Variants in TMEM131 observed in about 807,000 individuals in gnomAD.
TMEM131 encodes the protein transmembrane protein 131.
A neutral mutation model predicts 211.6 loss-of-function variants in TMEM131; 66 were observed. The ratio of observed to expected loss-of-function variants is 0.31; its 90% CI spans 0.26 to 0.38. The LOEUF is 0.38. Among genes scored for constraint, TMEM131 ranks in the 10% least tolerant of loss-of-function variants. The pLI, the probability that TMEM131 is intolerant of heterozygous loss-of-function variation, is 1.00. For synonymous variants in TMEM131, 844 were observed against 841.3 expected (o/e 1.00, Z -0.06); for missense variants, 2,036 against 2,299.3 (o/e 0.89, Z 2.34).
chr2:97,838,788 G>A (rs1188261614), intron 7 of TMEM131, among the ~76,000 whole-genome samples: 2 of 152,044 alleles, frequency 1.3e-5, no homozygotes, highest in African/African-American at 2.4e-5. Flanking sequence ...CAGGGGCCGG[G>A]GAGTTGCTGC....
intron 33 of TMEM131, among the ~76,000 whole-genome samples, chr2:97,771,576 C>T (rs1465140005): frequency 6.6e-6 from 1 of 152,232 alleles, no homozygotes; most frequent in African/African-American, 2.4e-5. Flanking sequence ...TAGACAGCAG[C>T]TCCCGTGCTG....
intron 31 of TMEM131, among the ~76,000 whole-genome samples, 192 bp from the exon 32 acceptor site, chr2:97,776,210 T>G (rs1236850157): frequency 6.6e-6 from 1 of 152,032 alleles, no homozygotes; most frequent in Non-Finnish European, 1.5e-5. Context: ...CCCGCCACCA[T>G]GCCCAGCTAA....
intron 31 of TMEM131, 30 bp from the exon 32 acceptor site, chr2:97,776,048 CTTGT>C (rs1238749741): frequency 6.3e-7 from 1 of 1,585,270 alleles, no homozygotes; most frequent in African/African-American, 1.4e-5. Flanking sequence ...TAAAAGAACT[CTTGT>C]TTTTGTTTCT....
intron 4 of TMEM131, among the ~76,000 whole-genome samples, chr2:97,871,862 G>A (rs1453192495): frequency 6.6e-6 from 1 of 151,944 alleles, no homozygotes; most frequent in Non-Finnish European, 1.5e-5. Context: ...ATAGCAGGCA[G>A]GAAGAATCCA....
At position 97,792,970 on chromosome 2, in the gene TMEM131, C is replaced by A; in HGVS notation, c.3560G>T (p.Ser1187Ile). 1 of 1,573,794 alleles carries A rather than the reference C, an allele frequency of 6.4e-7. No homozygotes were observed. The highest frequency in any genetic ancestry group is 1.1e-5 in the South Asian group (1 of 87,034). Reference protein sequence around the residue: ...ISSEGNLNTLSCDPGHSRGFC... With the variant: ...ISSEGNLNTLICDPGHSRGFC... ...CCCCCTACTGTGACCGGGGTCACAGCTGAGTGTGTTCAAGCTGAAAAAGGG... is the reference window on the plus strand; with the variant it reads ...CCCCCTACTGTGACCGGGGTCACAGATGAGTGTGTTCAAGCTGAAAAAGGG... The change falls in exon 31 of 41, where the codon AGC becomes ATC. Residue 1187 changes from serine (S) to isoleucine (I), a missense_variant. This residue lies in a region of TMEM131 where 1,623 missense variants were observed against 1,805.9 expected (regional missense o/e 0.90). Coordinates refer to ENST00000186436, the MANE Select transcript of TMEM131 (RefSeq NM_015348.2).
chr2:97,758,767 T>A, intron 40 of TMEM131, 126 bp downstream of exon 40: 1 of 1,268,384 alleles, frequency 7.9e-7, no homozygotes, highest in African/African-American at 1.5e-5. Context: ...ATAAAAGTAC[T>A]AACCCACCCC....
rs542905996 is a variant in TMEM131 at position 97,875,008 on chromosome 2, A to G, written c.359+13044T>C. Reference sequence around the variant, plus strand: ...TGCAAGGCACACAGGCTCAAAATAAATGGATGGAGGAATATTTACCAAGCA... The same window carrying G: ...TGCAAGGCACACAGGCTCAAAATAAGTGGATGGAGGAATATTTACCAAGCA... On this transcript the variant is annotated intron_variant, in intron 4 of 40. Coordinates refer to ENST00000186436, the MANE Select transcript of TMEM131 (RefSeq NM_015348.2). Among the ~76,000 whole-genome samples the G allele has an allele frequency of 2.0e-5, 3 of 152,308 alleles. No homozygotes were observed. In the South Asian group the frequency reaches 6.2e-4, roughly 32 times the overall value.
chr2:97,774,751 T>C (rs1403007818), intron 32 of TMEM131, among the ~76,000 whole-genome samples: 2 of 152,196 alleles, frequency 1.3e-5, no homozygotes, highest in Non-Finnish European at 2.9e-5. Context: ...CGAACGCTGA[T>C]GCACAGGGTT....
At position 97,762,248 on chromosome 2, in the gene TMEM131, C is replaced by T. The variant is rs76009098; in HGVS notation, c.4724-48G>A. On this transcript the variant is annotated intron_variant, in intron 35 of 40. Transcript: ENST00000186436. ...CTCGTTAGTGTGGTGTTTTGATTAG[C>T]GCTCTTCCAAATCACTTTGAATGTT... The T allele has an allele frequency of 1.7e-4, 267 of 1,576,694 alleles. 1 individual carries two copies. The African/African-American group carries it at 3.1e-3, about 18-fold the overall frequency.
intron 3 of TMEM131, among the ~76,000 whole-genome samples, chr2:97,902,990 A>G (rs1031141658): frequency 2.0e-5 from 3 of 152,196 alleles, no homozygotes; most frequent in Non-Finnish European, 4.4e-5. Context: ...GTGATCGTGT[A>G]AATTAATACT....
At chr2:97,807,703 G>A in intron 19 of TMEM131, among the ~76,000 whole-genome samples, 1 of 152,112 alleles carries the variant, frequency 6.6e-6, no homozygotes, top group East Asian at 1.9e-4. Context: ...CCACTCATGG[G>A]GCTTTTCACT....
chr2:97,929,834 AC>A (rs1331508478), intron 1 of TMEM131, among the ~76,000 whole-genome samples: 1 of 151,792 alleles, frequency 6.6e-6, no homozygotes, highest in South Asian at 2.1e-4. Flanking sequence ...GATGCAAATG[AC>A]CTTTTTCTGG....
chr2:97,759,027 G>A lies in TMEM131; in HGVS notation c.5233C>T (p.Arg1745Ter), dbSNP rs1678668049. 2 of 1,613,926 alleles carry A rather than the reference G, an allele frequency of 1.2e-6. No individual in the cohort carries two copies. The highest frequency in any genetic ancestry group is 1.7e-5 in the Admixed American group (1 of 60,010). The change falls in exon 40 of 41, where the codon CGA becomes TGA. Residue 1745 changes from arginine (R) to a stop codon, truncating the protein, a stop_gained. Transcript: ENST00000186436. LOFTEE classifies it high-confidence loss of function. Reference sequence around the variant, plus strand: ...CTCTGTGAGGCCTGATTGCACGATCGAGATAATCCGAGTTTGCTGAAAACT... The same window carrying A: ...CTCTGTGAGGCCTGATTGCACGATCAAGATAATCCGAGTTTGCTGAAAACT... ...GEVFSKLGLS[R>*]SCNQASQRSW...
chr2:97,760,408 A>C lies in TMEM131; in HGVS notation c.5108+185T>G, dbSNP rs543974892. The C allele has an allele frequency of 1.4e-5, 9 of 621,464 alleles. No homozygotes were observed. The South Asian group carries it at 1.8e-4, about 12-fold the overall frequency. The allele number at this position is 621,464 out of a possible 1,614,324, so 38.5% of individuals were successfully genotyped here. A position where few individuals can be genotyped will look rare whatever the true frequency, so the allele number is the denominator to read the frequency against. On this transcript the variant is annotated intron_variant, in intron 38 of 40. Coordinates refer to ENST00000186436, the MANE Select transcript of TMEM131 (RefSeq NM_015348.2). ...TCTATCTGGACCCCCTGGGGAAGGC[A>C]CCGCAGCCGGCTTTCTGCTTCCACC...
At position 97,844,205 on chromosome 2, in the gene TMEM131, TA is replaced by T; in HGVS notation, c.539del (p.Val180GlufsTer4). Reference sequence around the variant, plus strand: ...TAAATAAAGTATTTTCTACATTTCCTACTACTCTTGCAAGAAAAACTACATC... The same window carrying T: ...TAAATAAAGTATTTTCTACATTTCCTCTACTCTTGCAAGAAAAACTACATC... ...SFDVVFLARV[V>X]GNVENTLFIN... is the part of the protein sequence containing the mutation. On this transcript the variant is annotated frameshift_variant, in exon 6 of 41. Transcript: ENST00000186436. LOFTEE classifies it high-confidence loss of function. 7.5e-7 allele frequency: 1 copy of T among 1,337,956 alleles called. No homozygotes were observed. The highest frequency in any genetic ancestry group is 9.9e-7 in the Non-Finnish European group (1 of 1,010,486). 82.9% of individuals were successfully genotyped at this position (1,337,956 alleles called of 1,614,324 possible).
chr2:97,853,432 TAAAAAAAA>T (rs55752619), intron 5 of TMEM131, among the ~76,000 whole-genome samples: 99 of 90,396 alleles, frequency 1.1e-3, no homozygotes, highest in African/African-American at 3.8e-3. Flanking sequence ...CCATCTCTAC[TAAAAAAAA>T]AAAAAAAAAA....
intron 40 of TMEM131, among the ~76,000 whole-genome samples, chr2:97,757,721 A>G (rs949040666): frequency 1.3e-5 from 2 of 152,178 alleles, no homozygotes; most frequent in African/African-American, 4.8e-5. Flanking sequence ...TTTAAAAAAG[A>G]CAGCTTGTGG....
At chr2:97,861,180 AT>A (rs201295266) in intron 4 of TMEM131, among the ~76,000 whole-genome samples, 1,708 of 152,134 alleles carry the variant, frequency 0.011, 15 homozygotes, top group Non-Finnish European at 0.02. Flanking sequence ...CCCTAAATAA[AT>A]TTGAAAGGCA....
At chr2:97,791,915 C>G (rs1465896172) in intron 31 of TMEM131, among the ~76,000 whole-genome samples, 1 of 152,120 alleles carries the variant, frequency 6.6e-6, no homozygotes, top group East Asian at 1.9e-4. Context: ...TGAGGATATA[C>G]CAACAAATGA....
Sources: allele counts gnomAD v4.1 joint callset (sites outside exome capture counted in the v4.1 genomes callset), GRCh38; gene constraint gnomAD v4.1.1; regional missense constraint gnomAD v4.1.1; transcripts MANE v1.5; gene names NCBI Gene and HGNC (gene_info 2026-07-23, HGNC 2026-07-21).